SENP6: variants seen among roughly 807,000 people sequenced by gnomAD.
The protein encoded by SENP6 is SUMO specific peptidase 6.
SENP6 carries 41 observed loss-of-function variants against 134.5 expected under a neutral mutation model. That is an observed-to-expected ratio of 0.30 (90% confidence interval 0.24 to 0.40). The LOEUF is 0.40. Among genes scored for constraint, SENP6 ranks in the 10% least tolerant of loss-of-function variants. SENP6 has a pLI of 1.00. For missense variants in SENP6, 1,248 were observed against 1,312.5 expected, an observed-to-expected ratio of 0.95 and a Z score of 0.76; for synonymous variants, 395 against 429.8, an observed-to-expected ratio of 0.92 and a Z score of 1.00.
chr6:75,608,626 T>C (rs2149817837), intron 1 of SENP6, among the ~76,000 whole-genome samples: 1 of 152,308 alleles, frequency 6.6e-6, no homozygotes, highest in Admixed American at 6.5e-5. Context: ...GTCAGAATGC[T>C]GAGGTTCAAC....
intron 5 of SENP6, among the ~76,000 whole-genome samples, chr6:75,636,140 G>A (rs1769494771): frequency 6.6e-6 from 1 of 151,824 alleles, no homozygotes; most frequent in South Asian, 2.1e-4. Flanking sequence ...GTGTATTATT[G>A]CTCATTTACA....
At chr6:75,633,792 G>C in intron 4 of SENP6, 66 bp downstream of exon 4, 2 of 1,417,686 alleles carry the variant, frequency 1.4e-6, no homozygotes, top group Non-Finnish European at 1.9e-6. Flanking sequence ...CAAAAACTTA[G>C]AAGCTAATAG....
chr6:75,664,924 A>G lies in SENP6; in HGVS notation c.994+1406A>G, dbSNP rs189159970. 2.3e-3 allele frequency among the ~76,000 whole-genome samples: 345 copies of G among 152,338 alleles called. 2 individuals are homozygous for G. The highest frequency in any genetic ancestry group is 3.9e-3 in the Non-Finnish European group (266 of 68,032). On this transcript the variant is annotated intron_variant, in intron 9 of 23. Transcript: ENST00000447266. ...AACAGATAAACAAGTGAACATCCGC[A>G]ACAAGGAACAACAGAAAATTTAAAT...
intron 1 of SENP6, among the ~76,000 whole-genome samples, chr6:75,605,985 T>C (rs1207286434): frequency 1.3e-5 from 2 of 152,136 alleles, no homozygotes; most frequent in African/African-American, 4.8e-5. Context: ...TTACAGGACT[T>C]GATGAACTGT....
chr6:75,615,479 C>G (rs1260562869), intron 1 of SENP6, among the ~76,000 whole-genome samples: 1 of 152,186 alleles, frequency 6.6e-6, no homozygotes, highest in Non-Finnish European at 1.5e-5. Flanking sequence ...TGTGCCCTGC[C>G]TGCTAAGAGT....
chr6:75,707,869 T>C (rs910309757), intron 19 of SENP6, among the ~76,000 whole-genome samples: 3 of 152,028 alleles, frequency 2.0e-5, no homozygotes, highest in African/African-American at 7.2e-5. Flanking sequence ...TTATTTTGTT[T>C]GTAGAGACAG....
intron 16 of SENP6, among the ~76,000 whole-genome samples, chr6:75,689,662 C>G (rs1190102904): frequency 2.0e-5 from 3 of 152,050 alleles, no homozygotes; most frequent in Non-Finnish European, 4.4e-5. Flanking sequence ...TTTACTGTAC[C>G]TTTTCTCTGG....
At chr6:75,613,115 A>C (rs986403490) in intron 1 of SENP6, among the ~76,000 whole-genome samples, 2 of 70,466 alleles carry the variant, frequency 2.8e-5, no homozygotes, top group African/African-American at 1.6e-4. Context: ...TTCTGTCTTT[A>C]AAAAAAAAAA....
At chr6:75,666,649 A>T in intron 9 of SENP6, 63 bp from the exon 10 acceptor site, 1 of 869,396 alleles carries the variant, frequency 1.2e-6, no homozygotes, top group Non-Finnish European at 1.5e-6. Flanking sequence ...AATGGACAGA[A>T]ATGAAATATA....
intron 10 of SENP6, 79 bp downstream of exon 10, chr6:75,667,020 G>A (rs1325711599): frequency 1.3e-5 from 10 of 799,794 alleles, no homozygotes; most frequent in Non-Finnish European, 1.8e-5. Context: ...AAGGCAGTTT[G>A]GTAGTGCCAA....
chr6:75,618,917 C>T (rs759886284), intron 1 of SENP6, among the ~76,000 whole-genome samples: 33 of 151,012 alleles, frequency 2.2e-4, no homozygotes, highest in Non-Finnish European at 5.9e-5. Context: ...TTATTTCCTC[C>T]TGTTCATGAT....
chr6:75,674,538 G>T (rs1490903677), intron 11 of SENP6, among the ~76,000 whole-genome samples: 1 of 152,068 alleles, frequency 6.6e-6, no homozygotes, highest in Non-Finnish European at 1.5e-5. Flanking sequence ...GGCCATGCTG[G>T]TCTTAAACTC....
chr6:75,643,831 G>C (rs534358521), intron 6 of SENP6, among the ~76,000 whole-genome samples: 78 of 152,242 alleles, frequency 5.1e-4, no homozygotes, highest in Non-Finnish European at 9.0e-4. Flanking sequence ...AAATAAATAA[G>C]ACTTGATTCA....
chr6:75,649,576 G>A (rs957216035), intron 7 of SENP6, among the ~76,000 whole-genome samples: 4 of 152,078 alleles, frequency 2.6e-5, no homozygotes, highest in Non-Finnish European at 5.9e-5. Context: ...GGAAGGCAGT[G>A]GTGTGATCTC....
intron 20 of SENP6, among the ~76,000 whole-genome samples, 164 bp from the exon 21 acceptor site, chr6:75,711,164 T>C (rs1775722142): frequency 6.6e-6 from 1 of 152,214 alleles, no homozygotes; most frequent in Non-Finnish European, 1.5e-5. Flanking sequence ...CATTGGATAA[T>C]TGGAATTAAG....
chr6:75,670,957 T>C (rs1434741727), intron 11 of SENP6, among the ~76,000 whole-genome samples: 1 of 149,512 alleles, frequency 6.7e-6, no homozygotes, highest in African/African-American at 2.4e-5. Flanking sequence ...CATGAAACTT[T>C]CAATGAGTTA....
At chr6:75,641,949 C>G (rs1348713101) in intron 6 of SENP6, among the ~76,000 whole-genome samples, 1 of 151,890 alleles carries the variant, frequency 6.6e-6, no homozygotes, top group African/African-American at 2.4e-5. Context: ...TTTCAAATGC[C>G]TGAATTTTGA....
intron 8 of SENP6, among the ~76,000 whole-genome samples, chr6:75,660,274 TG>T (rs1771671064): frequency 6.6e-6 from 1 of 152,238 alleles, no homozygotes; most frequent in Non-Finnish European, 1.5e-5. Flanking sequence ...TTCACATTAA[TG>T]ATATTTTACC....
chr6:75,649,279 C>T (rs1294184187), intron 7 of SENP6, among the ~76,000 whole-genome samples: 10 of 151,948 alleles, frequency 6.6e-5, no homozygotes, highest in African/African-American at 1.9e-4. Flanking sequence ...CGCATCACTA[C>T]GCTCCAGCCT....
Sources: gnomAD v4.1 joint callset for allele counts (sites outside exome capture counted in the v4.1 genomes callset) on GRCh38, gnomAD v4.1.1 for gene constraint, MANE v1.5 for transcripts, NCBI Gene and HGNC (gene_info 2026-07-23, HGNC 2026-07-21) for gene names.